Variants in CHFR observed in about 807,000 individuals in gnomAD.
The protein encoded by CHFR is checkpoint with forkhead and ring finger domains.
In CHFR, 57 loss-of-function variants were observed where a neutral mutation model predicts 87.6. The ratio of observed to expected loss-of-function variants is 0.65; its 90% CI spans 0.53 to 0.81. The LOEUF is 0.81. Ranked by LOEUF, CHFR falls within the 30% of genes least tolerant of loss-of-function variation. The pLI, the probability that CHFR is intolerant of heterozygous loss-of-function variation, is 0.00. For synonymous variants in CHFR, 381 were observed against 359.2 expected (o/e 1.06, Z -0.69); for missense variants, 797 against 865.8 (o/e 0.92, Z 1.00).
At chr12:132,855,416 C>T (rs1418305290) in intron 10 of CHFR, among the ~76,000 whole-genome samples, 1 of 151,318 alleles carries the variant, frequency 6.6e-6, no homozygotes, top group Admixed American at 6.6e-5. Context: ...CCTGTAATCC[C>T]AGCACTTTGG....
intron 4 of CHFR, chr12:132,871,946 G>T: frequency 4.0e-6 from 1 of 248,112 alleles, no homozygotes; most frequent in Non-Finnish European, 7.7e-6. Flanking sequence ...ACCATCAATG[G>T]CCTCCAGACC....
Position 132,879,153 on chromosome 12 carries a change from C to T in CHFR, c.134-1499G>A, listed in dbSNP as rs1448858451. 4.0e-5 allele frequency among the ~76,000 whole-genome samples: 6 copies of T among 151,158 alleles called. No homozygotes were observed. The East Asian group carries it at 6.1e-4, about 15-fold the overall frequency. On this transcript the variant is annotated intron_variant, in intron 2 of 17. Transcript: ENST00000450056. ...CTGAGCAGCTGGGACTACAGGCATG[C>T]GCCACCATACCCAGCTAATTTTTTG...
intron 2 of CHFR, among the ~76,000 whole-genome samples, chr12:132,878,810 ACT>A (rs1370227847): frequency 2.2e-5 from 3 of 135,016 alleles, no homozygotes; most frequent in African/African-American, 5.3e-5. Context: ...ACAGAGCAAG[ACT>A]CTGTCTCAAA....
chr12:132,854,498 T>C (rs1951019525), intron 10 of CHFR: 1 of 152,242 alleles, frequency 6.6e-6, no homozygotes, highest in Admixed American at 6.5e-5. Flanking sequence ...ATTACCGAGC[T>C]GTACATGCAG....
chr12:132,848,214 C>G (rs781451957), intron 13 of CHFR, 59 bp from the exon 14 acceptor site: 1 of 1,612,584 alleles, frequency 6.2e-7, no homozygotes, highest in Non-Finnish European at 8.5e-7. Context: ...AAAGCACTGT[C>G]TGCCCGACAC....
Position 132,835,712 on chromosome 12 carries a change from C to A in CHFR, c.*5842G>T. 1 of 240,844 alleles carries A rather than the reference C, an allele frequency of 4.2e-6. No homozygotes were observed. The highest frequency in any genetic ancestry group is 8.3e-6 in the Non-Finnish European group (1 of 120,130). 14.9% of individuals were successfully genotyped at this position (240,844 alleles called of 1,614,324 possible). A position where few individuals can be genotyped will look rare whatever the true frequency, so the allele number is the denominator to read the frequency against. ...AAATACTTTCTGTTGTTTAAGCCGC[C>A]TGTTCTGCGGCGTTTTGATCCAGCG... On this transcript the variant is annotated 3_prime_UTR_variant, in exon 18 of 18. Transcript: ENST00000450056.
chr12:132,848,348 T>C lies in CHFR; in HGVS notation c.1577-193A>G, dbSNP rs960664501. On this transcript the variant is annotated intron_variant, in intron 13 of 17. Coordinates refer to ENST00000450056, the MANE Select transcript of CHFR (RefSeq NM_001161346.2). ...CCATTCCACTCCCTCCTTAAAAAGA[T>C]CAGCTCTCCGAGTCTCCCCAGCACC... 4.1e-5 allele frequency: 45 copies of C among 1,086,960 alleles called. No homozygotes were observed. The African/African-American group carries it at 6.1e-4, about 15-fold the overall frequency. The allele number at this position is 1,086,960 out of a possible 1,614,324, so 67.3% of individuals were successfully genotyped here.
chr12:132,871,636 G>T (rs988657782), intron 4 of CHFR, among the ~76,000 whole-genome samples: 1 of 151,906 alleles, frequency 6.6e-6, no homozygotes, highest in African/African-American at 2.4e-5. Context: ...GCCGGGCGTG[G>T]TGGTGGGCAC....
intron 3 of CHFR, among the ~76,000 whole-genome samples, chr12:132,873,159 G>A (rs532744666): frequency 3.9e-5 from 6 of 152,248 alleles, no homozygotes; most frequent in South Asian, 2.1e-4. Flanking sequence ...CTTCACTCCC[G>A]AGGCCCCAGC....
At chr12:132,881,557 A>G (rs1951770005) in intron 2 of CHFR, among the ~76,000 whole-genome samples, 1 of 152,092 alleles carries the variant, frequency 6.6e-6, no homozygotes, top group Non-Finnish European at 1.5e-5. Flanking sequence ...TACACACCAA[A>G]TAAGAATTGG....
intron 6 of CHFR, among the ~76,000 whole-genome samples, chr12:132,864,115 T>G (rs79486443): frequency 0.11 from 16,996 of 151,898 alleles, 1,334 homozygotes; most frequent in Non-Finnish European, 0.17. Flanking sequence ...AGACTTAGTT[T>G]ATCATATTAC....
intron 2 of CHFR, among the ~76,000 whole-genome samples, chr12:132,885,337 G>T (rs1457828954): frequency 6.6e-6 from 1 of 151,292 alleles, no homozygotes; most frequent in Admixed American, 6.6e-5. Flanking sequence ...CAAGAACCCG[G>T]GAGGTGGAGC....
intron 11 of CHFR, among the ~76,000 whole-genome samples, 194 bp downstream of exon 11, chr12:132,853,237 C>G (rs1374280873): frequency 6.6e-6 from 1 of 152,218 alleles, no homozygotes; most frequent in Non-Finnish European, 1.5e-5. Context: ...AGTTACTTAT[C>G]TGATTTCCCA....
intron 3 of CHFR, among the ~76,000 whole-genome samples, chr12:132,877,031 G>A (rs962187452): frequency 6.6e-6 from 1 of 152,166 alleles, no homozygotes; most frequent in Non-Finnish European, 1.5e-5. Context: ...CTGACCTCAG[G>A]TGATCCAACT....
In CHFR at chr12:132,841,583, T is replaced by C; in HGVS notation, c.1930A>G (p.Ile644Val). 2 of 1,613,908 alleles carry C rather than the reference T, an allele frequency of 1.2e-6. No homozygotes were observed. The highest frequency in any genetic ancestry group is 1.7e-6 in the Non-Finnish European group (2 of 1,179,804). The part of the protein sequence containing the change: ...KAHHAMKFNH[I>V]CEQTRFKN ...TTTTTGAACCTTGTCTGTTCACAGA[T>C]ATGATTGAATTTCCTGCAGGGAGAA... Residue 644 changes from isoleucine to valine, a missense_variant, in exon 18 of 18, where the codon ATC becomes GTC. Transcript: ENST00000450056.
intron 6 of CHFR, among the ~76,000 whole-genome samples, chr12:132,868,521 C>CA (rs58162770): frequency 0.13 from 17,512 of 136,012 alleles, 1,647 homozygotes; most frequent in South Asian, 0.18. Flanking sequence ...AAACAAAAAA[C>CA]AAAAAAAAAT....
In CHFR at chr12:132,832,970, G is replaced by A. The variant is rs1020071277; in HGVS notation, c.*8584C>T. 2.0e-5 allele frequency: 3 copies of A among 152,156 alleles called. No homozygotes were observed. Among genetic ancestry groups the A allele is most frequent in the Non-Finnish European group, 4.4e-5 (3 of 68,032 alleles). 9.4% of individuals were successfully genotyped at this position (152,156 alleles called of 1,614,324 possible). A position where few individuals can be genotyped will look rare whatever the true frequency, so the allele number is the denominator to read the frequency against. ...CTGTCTTTATGAATGTGCCTCTTCTGGACATTTCATAGAAATGGGATCATA... is the reference window on the plus strand; with the variant it reads ...CTGTCTTTATGAATGTGCCTCTTCTAGACATTTCATAGAAATGGGATCATA... On this transcript the variant is annotated 3_prime_UTR_variant, in exon 18 of 18. Transcript: ENST00000450056.
intron 11 of CHFR, among the ~76,000 whole-genome samples, chr12:132,852,201 G>C (rs2136947087): frequency 6.6e-6 from 1 of 151,746 alleles, no homozygotes; most frequent in Non-Finnish European, 1.5e-5. Context: ...TGTTAGCCAG[G>C]ATGGTCTCAA....
rs1410829597 is a variant in CHFR at position 132,836,651 on chromosome 12, A to C, written c.*4903T>G. 8.8e-6 allele frequency: 4 copies of C among 455,980 alleles called. No homozygotes were observed. In the Admixed American group the frequency reaches 9.4e-5, roughly 11 times the overall value. The allele number at this position is 455,980 out of a possible 1,614,324, so 28.2% of individuals were successfully genotyped here. On this transcript the variant is annotated 3_prime_UTR_variant, in exon 18 of 18. Coordinates refer to ENST00000450056, the MANE Select transcript of CHFR (RefSeq NM_001161346.2). ...GAGTCCATTCCTTCCACAGACATGCACGACCAAGTGTCTGCTCTGTGTGAG... is the reference window on the plus strand; with the variant it reads ...GAGTCCATTCCTTCCACAGACATGCCCGACCAAGTGTCTGCTCTGTGTGAG...
Sources: allele counts gnomAD v4.1 joint callset (sites outside exome capture counted in the v4.1 genomes callset), GRCh38; gene constraint gnomAD v4.1.1; transcripts MANE v1.5; gene names NCBI Gene and HGNC (gene_info 2026-07-23, HGNC 2026-07-21).